CACNA2D3: variants seen among roughly 807,000 people sequenced by gnomAD.
The protein encoded by CACNA2D3 is voltage-dependent calcium channel subunit alpha-2/delta-3.
Under a neutral mutation model 160.6 loss-of-function variants are expected in CACNA2D3, and 60 were observed. That is an observed-to-expected ratio of 0.37 (90% CI 0.30 to 0.46). The LOEUF (loss-of-function observed/expected upper bound fraction) is 0.46. Ranked by LOEUF, CACNA2D3 falls within the 20% of genes least tolerant of loss-of-function variation. The pLI, the probability that CACNA2D3 is intolerant of heterozygous loss-of-function variation, is 1.00. For synonymous variants in CACNA2D3, 558 were observed against 492.9 expected (o/e 1.13, Z -1.75); for missense variants, 1,205 against 1,365.0 (o/e 0.88, Z 1.85).
At chr3:54,651,128 G>T (rs1699756296) in intron 11 of CACNA2D3, among the ~76,000 whole-genome samples, 1 of 152,140 alleles carries the variant, frequency 6.6e-6, no homozygotes, top group African/African-American at 2.4e-5. Flanking sequence ...AATGACCATA[G>T]GTCAGAGGAA....
At chr3:54,469,770 A>C (rs1318695241) in intron 4 of CACNA2D3, among the ~76,000 whole-genome samples, 1 of 151,992 alleles carries the variant, frequency 6.6e-6, no homozygotes, top group Non-Finnish European at 1.5e-5. Flanking sequence ...CAGCACGAGA[A>C]CTTCATGAAG....
At chr3:54,739,262 A>G (rs906745653) in intron 11 of CACNA2D3, among the ~76,000 whole-genome samples, 1 of 151,860 alleles carries the variant, frequency 6.6e-6, no homozygotes, top group Admixed American at 6.6e-5. Context: ...TCTACTAAAC[A>G]TACAAAAATT....
At chr3:54,818,697 C>A (rs1194504525) in intron 14 of CACNA2D3, among the ~76,000 whole-genome samples, 1 of 152,180 alleles carries the variant, frequency 6.6e-6, no homozygotes, top group African/African-American at 2.4e-5. Flanking sequence ...ATTTTTTTCC[C>A]TGTCTCCGAA....
intron 10 of CACNA2D3, among the ~76,000 whole-genome samples, chr3:54,640,541 G>A (rs1364774817): frequency 6.6e-6 from 1 of 152,142 alleles, no homozygotes; most frequent in Non-Finnish European, 1.5e-5. Flanking sequence ...CACTCACAAA[G>A]GCTGAGAGCT....
chr3:54,614,865 AAC>A (rs1472606327), intron 9 of CACNA2D3, among the ~76,000 whole-genome samples: 1 of 152,172 alleles, frequency 6.6e-6, no homozygotes, highest in Non-Finnish European at 1.5e-5. Flanking sequence ...TCCCCAAAAA[AAC>A]ACACAAAAAT....
chr3:54,374,034 A>G (rs1298527307), intron 3 of CACNA2D3, among the ~76,000 whole-genome samples: 1 of 152,222 alleles, frequency 6.6e-6, no homozygotes, highest in Admixed American at 6.5e-5. Flanking sequence ...TGATGAGAGA[A>G]CAAAAACCCT....
intron 2 of CACNA2D3, among the ~76,000 whole-genome samples, chr3:54,162,131 G>C (rs569225853): frequency 9.2e-5 from 14 of 152,328 alleles, no homozygotes; most frequent in African/African-American, 2.9e-4. Context: ...TATTTATTGA[G>C]TGCCTGCTTT....
chr3:54,803,769 G>T (rs1305923473), intron 13 of CACNA2D3, among the ~76,000 whole-genome samples: 22 of 152,084 alleles, frequency 1.4e-4, no homozygotes, highest in Admixed American at 2.6e-4. Flanking sequence ...TCACCAAAGT[G>T]GAAATGAAGG....
At chr3:54,911,736 A>G (rs1431208133) in intron 27 of CACNA2D3, among the ~76,000 whole-genome samples, 1 of 152,000 alleles carries the variant, frequency 6.6e-6, no homozygotes, top group Non-Finnish European at 1.5e-5. Flanking sequence ...TATTCTTCAT[A>G]TGAGCCACAG....
At chr3:54,885,383 C>A in intron 22 of CACNA2D3, 57 bp downstream of exon 22, 1 of 1,606,392 alleles carries the variant, frequency 6.2e-7, no homozygotes. Context: ...CTCTTTGATT[C>A]CACATGGTTT....
intron 2 of CACNA2D3, among the ~76,000 whole-genome samples, chr3:54,218,762 G>A (rs1015063486): frequency 1.3e-5 from 2 of 152,108 alleles, no homozygotes; most frequent in Non-Finnish European, 2.9e-5. Context: ...CCTTCTGGAG[G>A]CTCTAGGGAA....
At chr3:54,419,334 C>T (rs1401618313) in intron 4 of CACNA2D3, among the ~76,000 whole-genome samples, 3 of 152,202 alleles carry the variant, frequency 2.0e-5, no homozygotes, top group Admixed American at 1.3e-4. Context: ...AACAAAAGAC[C>T]TGGAACAGTT....
intron 35 of CACNA2D3, among the ~76,000 whole-genome samples, chr3:55,056,769 C>T (rs1488517981): frequency 6.6e-6 from 1 of 152,082 alleles, no homozygotes; most frequent in Non-Finnish European, 1.5e-5. Context: ...CTCATAGAAA[C>T]AGAGTAGCAT....
intron 2 of CACNA2D3, among the ~76,000 whole-genome samples, chr3:54,278,189 A>G (rs1702788855): frequency 6.6e-6 from 1 of 152,238 alleles, no homozygotes; most frequent in Non-Finnish European, 1.5e-5. Flanking sequence ...GGATATGAAT[A>G]GACATTTCTC....
intron 4 of CACNA2D3, among the ~76,000 whole-genome samples, chr3:54,413,117 C>T (rs1018032743): frequency 1.3e-5 from 2 of 151,506 alleles, no homozygotes; most frequent in African/African-American, 4.8e-5. Context: ...CTAAAAATAT[C>T]TTCGTTTTAA....
chr3:54,830,272 G>T (rs1475707094), intron 14 of CACNA2D3, among the ~76,000 whole-genome samples: 1 of 151,542 alleles, frequency 6.6e-6, no homozygotes, highest in Non-Finnish European at 1.5e-5. Flanking sequence ...AGAATCAATG[G>T]TTCTCTTTTC....
At chr3:54,921,919 T>A (rs1053224057) in intron 27 of CACNA2D3, among the ~76,000 whole-genome samples, 1 of 148,974 alleles carries the variant, frequency 6.7e-6, no homozygotes, top group Non-Finnish European at 1.5e-5. Context: ...TATCTTTTTT[T>A]AAAAGAAGAT....
chr3:54,872,944 T>C (rs1699572810), intron 18 of CACNA2D3, among the ~76,000 whole-genome samples: 2 of 152,092 alleles, frequency 1.3e-5, no homozygotes, highest in African/African-American at 2.4e-5. Flanking sequence ...CTGCACCTAA[T>C]GTGCCCACCC....
At chr3:54,575,521 G>T (rs1702565724) in intron 8 of CACNA2D3, among the ~76,000 whole-genome samples, 1 of 151,998 alleles carries the variant, frequency 6.6e-6, no homozygotes, top group Non-Finnish European at 1.5e-5. Flanking sequence ...AAATAGTACT[G>T]AGTGCTCTGC....
Sources: allele counts gnomAD v4.1 joint callset (sites outside exome capture counted in the v4.1 genomes callset), GRCh38; gene constraint gnomAD v4.1.1; transcripts MANE v1.5; gene names NCBI Gene and HGNC (gene_info 2026-07-23, HGNC 2026-07-21).